EBF3: variants seen among roughly 807,000 people sequenced by gnomAD.
EBF3 encodes EBF transcription factor 3, also known as transcription factor COE3.
Under a neutral mutation model 77.1 loss-of-function variants are expected in EBF3, and 18 were observed. The ratio of observed to expected loss-of-function variants is 0.23; its 90% CI spans 0.16 to 0.35. The LOEUF (loss-of-function observed/expected upper bound fraction) is 0.35, where lower values mean the gene tolerates loss of function less well. EBF3 is among the 10% of genes least tolerant of loss of function. The probability of loss-of-function intolerance (pLI) is 1.00; values close to 1 mark genes in which losing one functional copy is unlikely to be tolerated. For missense variants in EBF3, 558 were observed against 860.0 expected, an observed-to-expected ratio of 0.65 and a Z score of 4.39; for synonymous variants, 350 against 343.5, an observed-to-expected ratio of 1.02 and a Z score of -0.21.
chr10:129,909,197 C>T (rs1855346841), intron 6 of EBF3, among the ~76,000 whole-genome samples: 3 of 152,348 alleles, frequency 2.0e-5, no homozygotes, highest in East Asian at 1.9e-4. Context: ...CTCCCCATGG[C>T]TGCCCTGGAT....
At chr10:129,900,230 C>G (rs1401471924) in intron 6 of EBF3, among the ~76,000 whole-genome samples, 1 of 152,194 alleles carries the variant, frequency 6.6e-6, no homozygotes, top group African/African-American at 2.4e-5. Flanking sequence ...CTCTCATCTT[C>G]CATCCAAACA....
chr10:129,962,372 G>A, intron 3 of EBF3, 146 bp from the exon 4 acceptor site: 1 of 681,396 alleles, frequency 1.5e-6, no homozygotes, highest in Non-Finnish European at 2.5e-6. Flanking sequence ...GGGAGAAAGA[G>A]AACCCCACCA....
chr10:129,872,137 G>A (rs1852445199), intron 8 of EBF3, among the ~76,000 whole-genome samples: 1 of 152,204 alleles, frequency 6.6e-6, no homozygotes, highest in South Asian at 2.1e-4. Context: ...TAACACCAGA[G>A]GGCTGGGGAG....
intron 6 of EBF3, among the ~76,000 whole-genome samples, chr10:129,936,712 A>C (rs1857386493): frequency 7.5e-6 from 1 of 133,256 alleles, no homozygotes; most frequent in African/African-American, 2.9e-5. Context: ...GGGGACCCTC[A>C]GCTGTGTGGG....
At chr10:129,919,901 C>T (rs1436773312) in intron 6 of EBF3, among the ~76,000 whole-genome samples, 1 of 152,132 alleles carries the variant, frequency 6.6e-6, no homozygotes, top group Non-Finnish European at 1.5e-5. Context: ...CCAGAGATGC[C>T]GCTTAATCAA....
Position 129,929,854 on chromosome 10 carries a change from A to G in EBF3, c.554+27404T>C, listed in dbSNP as rs532522813. Among the ~76,000 whole-genome samples the G allele has an allele frequency of 3.3e-5, 5 of 152,324 alleles. No homozygotes were observed. The East Asian group carries it at 9.6e-4, about 29-fold the overall frequency. Reference sequence around the variant, plus strand: ...TTTTAGGTGTCAACATGACTAGATTAAGGAATACTTAGAGAACTGGTCAAA... The same window carrying G: ...TTTTAGGTGTCAACATGACTAGATTGAGGAATACTTAGAGAACTGGTCAAA... On this transcript the variant is annotated intron_variant, in intron 6 of 16. Transcript: ENST00000440978.
chr10:129,889,836 C>T (rs1022938177), intron 6 of EBF3, among the ~76,000 whole-genome samples: 14 of 148,118 alleles, frequency 9.5e-5, no homozygotes, highest in East Asian at 3.9e-4. Flanking sequence ...ACCGTAGAGG[C>T]TCAGGACATG....
chr10:129,856,793 C>T (rs926391632), intron 10 of EBF3, among the ~76,000 whole-genome samples: 2 of 152,202 alleles, frequency 1.3e-5, no homozygotes, highest in Non-Finnish European at 2.9e-5. Context: ...ATACGAAAAG[C>T]CACTTAATTG....
At chr10:129,931,296 G>A (rs186821779) in intron 6 of EBF3, among the ~76,000 whole-genome samples, 82 of 152,296 alleles carry the variant, frequency 5.4e-4, no homozygotes, top group Admixed American at 1.6e-3. Flanking sequence ...TGGTGTAAGT[G>A]CATTGTAGAC....
intron 6 of EBF3, among the ~76,000 whole-genome samples, chr10:129,949,178 G>A (rs1239705880): frequency 1.3e-5 from 2 of 152,196 alleles, no homozygotes; most frequent in Non-Finnish European, 2.9e-5. Flanking sequence ...GCACATGCCT[G>A]TAATCCCAGC....
At chr10:129,900,859 G>T (rs1854730971) in intron 6 of EBF3, among the ~76,000 whole-genome samples, 1 of 152,230 alleles carries the variant, frequency 6.6e-6, no homozygotes, top group Admixed American at 6.5e-5. Context: ...AGAGCAGGGT[G>T]ACTGAGTTCA....
rs1348063048 is a variant in EBF3 at position 129,836,460 on chromosome 10, A to G, written c.*1483T>C. 2 of 152,678 alleles carry G rather than the reference A, an allele frequency of 1.3e-5. No individual in the cohort carries two copies. Among genetic ancestry groups the G allele is most frequent in the Non-Finnish European group, 2.9e-5 (2 of 68,042 alleles). 9.5% of individuals were successfully genotyped at this position (152,678 alleles called of 1,614,324 possible). Reference sequence around the variant, plus strand: ...CTCTTCGCGGCCGCTCCACATGCACAGAATCTACTAGGATTTGTCACGGCC... The same window carrying G: ...CTCTTCGCGGCCGCTCCACATGCACGGAATCTACTAGGATTTGTCACGGCC... On this transcript the variant is annotated 3_prime_UTR_variant, in exon 17 of 17. Transcript: ENST00000440978.
chr10:129,860,132 C>T (rs1296186993), intron 10 of EBF3, among the ~76,000 whole-genome samples: 11 of 152,144 alleles, frequency 7.2e-5, no homozygotes, highest in Admixed American at 7.2e-4. Context: ...TGGTCTGCTG[C>T]TCTTCTCCCA....
At chr10:129,939,840 G>A (rs931210673) in intron 6 of EBF3, among the ~76,000 whole-genome samples, 8 of 152,214 alleles carry the variant, frequency 5.3e-5, no homozygotes, top group African/African-American at 1.2e-4. Flanking sequence ...CCGACCTTAC[G>A]GTTGCACTTA....
intron 6 of EBF3, among the ~76,000 whole-genome samples, chr10:129,906,368 C>T (rs1855143109): frequency 6.6e-6 from 1 of 152,164 alleles, no homozygotes; most frequent in Non-Finnish European, 1.5e-5. Context: ...AAAATGATGC[C>T]CCTGTTCAGT....
At chr10:129,924,753 A>C (rs1269015143) in intron 6 of EBF3, among the ~76,000 whole-genome samples, 1 of 152,146 alleles carries the variant, frequency 6.6e-6, no homozygotes, top group African/African-American at 2.4e-5. Flanking sequence ...TGTAGCCTCG[A>C]CTGCCTGGCC....
intron 5 of EBF3, among the ~76,000 whole-genome samples, chr10:129,957,555 A>C (rs1859139268): frequency 6.6e-6 from 1 of 152,192 alleles, no homozygotes; most frequent in Admixed American, 6.5e-5. Context: ...CAGGAGGGTA[A>C]CCAGAGTACT....
Position 129,861,008 on chromosome 10 carries a change from C to G in EBF3, c.1039+6133G>C, listed in dbSNP as rs1247283893. Among the ~76,000 whole-genome samples, 1 of 152,228 alleles carries G rather than the reference C, an allele frequency of 6.6e-6. No individual in the cohort carries two copies. The highest frequency in any genetic ancestry group is 1.5e-5 in the Non-Finnish European group (1 of 68,044). ...TAGCACAAACGGTGTGTCTCATTCT[C>G]CTGGCCTCCTTGGAGACAGGAAAGA... is the stretch of plus-strand genomic sequence containing the variant. On this transcript the variant is annotated intron_variant, in intron 10 of 16. Transcript: ENST00000440978. The surrounding 1 kb of genome is among the most constrained non-coding windows in gnomAD (Gnocchi z 4.3).
chr10:129,960,680 A>AATG (rs1412284146), intron 4 of EBF3, among the ~76,000 whole-genome samples: 2 of 148,134 alleles, frequency 1.4e-5, no homozygotes, highest in African/African-American at 5.0e-5. Flanking sequence ...GAGGAGATTA[A>AATG]ATGCCTTTAT....
Sources: allele counts gnomAD v4.1 joint callset (sites outside exome capture counted in the v4.1 genomes callset), GRCh38; gene constraint gnomAD v4.1.1; non-coding constraint Gnocchi (gnomAD v3.1); transcripts MANE v1.5; gene names NCBI Gene and HGNC (gene_info 2026-07-23, HGNC 2026-07-21).